Variants in RBL2 observed in about 807,000 individuals in gnomAD.
The protein encoded by RBL2 is retinoblastoma-like protein 2.
Under a neutral mutation model 126.0 loss-of-function variants are expected in RBL2, and 56 were observed. The ratio of observed to expected loss-of-function variants is 0.44; its 90% CI spans 0.36 to 0.56. The LOEUF (loss-of-function observed/expected upper bound fraction) is 0.56. Ranked by LOEUF, RBL2 falls within the 20% of genes least tolerant of loss-of-function variation. RBL2 has a pLI of 0.00. For synonymous variants in RBL2, 454 were observed against 478.5 expected, an observed-to-expected ratio of 0.95 and a Z score of 0.67; for missense variants, 1,229 against 1,398.2, an observed-to-expected ratio of 0.88 and a Z score of 1.93.
intron 3 of RBL2, among the ~76,000 whole-genome samples, chr16:53,443,770 C>T (rs996055170): frequency 1.3e-5 from 2 of 151,998 alleles, no homozygotes; most frequent in Non-Finnish European, 2.9e-5. Context: ...TAAAAGTTTT[C>T]CCAGACTGTG....
intron 4 of RBL2, among the ~76,000 whole-genome samples, chr16:53,447,567 T>G (rs766678042): frequency 1.8e-4 from 27 of 152,186 alleles, no homozygotes; most frequent in Non-Finnish European, 3.4e-4. Flanking sequence ...CCCTTTTTTC[T>G]TGTCTCATTT....
Position 53,491,393 on chromosome 16 carries a change from A to T in RBL2, c.*1093A>T, listed in dbSNP as rs1460659179. 6.6e-6 allele frequency: 1 copy of T among 152,288 alleles called. No individual in the cohort carries two copies. The highest frequency in any genetic ancestry group is 1.5e-5 in the Non-Finnish European group (1 of 68,036). The allele number at this position is 152,288 out of a possible 1,614,324, so 9.4% of individuals were successfully genotyped here. ...TATTTAACAGCTGAATTATCTATAC[A>T]TATCTTTATTAATCACTATTGTTCC... On this transcript the variant is annotated 3_prime_UTR_variant, in exon 22 of 22. Transcript: ENST00000262133.
At position 53,454,737 on chromosome 16, in the gene RBL2, TGAG is replaced by T; in HGVS notation, c.1080_1082del (p.Glu361del). The T allele has an allele frequency of 6.2e-7, 1 of 1,614,082 alleles. No homozygotes were observed. Among genetic ancestry groups the T allele is most frequent in the Non-Finnish European group, 8.5e-7 (1 of 1,179,926 alleles). On this transcript the variant is annotated inframe_deletion, in exon 8 of 22. Coordinates refer to ENST00000262133, the MANE Select transcript of RBL2 (RefSeq NM_005611.4). ...AGCGGATATTTCTTGGAGAGGATGC[TGAG>T]GAGGAAATTGGGACTCTCTCAAGGT...
chr16:53,485,495 A>G (rs2150830808), intron 21 of RBL2, among the ~76,000 whole-genome samples: 1 of 152,290 alleles, frequency 6.6e-6, no homozygotes, highest in East Asian at 1.9e-4. Context: ...AGAAAGTAGA[A>G]AAAGTGTAGG....
At chr16:53,478,488 CTTCA>C (rs1251406846) in intron 17 of RBL2, among the ~76,000 whole-genome samples, 1 of 148,082 alleles carries the variant, frequency 6.8e-6, no homozygotes, top group Non-Finnish European at 1.5e-5. Flanking sequence ...GGCTGTTTTT[CTTCA>C]TTCTTTCTCT....
At chr16:53,445,610 AACTG>A (rs2058055208) in intron 3 of RBL2, among the ~76,000 whole-genome samples, 1 of 152,206 alleles carries the variant, frequency 6.6e-6, no homozygotes, top group South Asian at 2.1e-4. Context: ...TTCTTATTGA[AACTG>A]ACTGCGGGAA....
intron 21 of RBL2, among the ~76,000 whole-genome samples, chr16:53,484,041 T>C (rs2150829147): frequency 6.6e-6 from 1 of 151,996 alleles, no homozygotes; most frequent in Non-Finnish European, 1.5e-5. Context: ...GAAGACCAAA[T>C]ATTTAAAAGA....
chr16:53,444,649 A>C (rs1450246692), intron 3 of RBL2, among the ~76,000 whole-genome samples: 1 of 152,250 alleles, frequency 6.6e-6, no homozygotes, highest in East Asian at 1.9e-4. Flanking sequence ...GGAGTTCAAG[A>C]CTAGCCTGGC....
Position 53,490,210 on chromosome 16 carries a change from T to C in RBL2, c.3330T>C (p.Ser1110=), listed in dbSNP as rs1240452048. 6.8e-6 allele frequency: 11 copies of C among 1,612,346 alleles called. No individual in the cohort carries two copies. Among genetic ancestry groups the C allele is most frequent in the Non-Finnish European group, 9.3e-6 (11 of 1,178,678 alleles). Residue 1110 remains serine, a synonymous_variant, in exon 22 of 22, where the codon AGT becomes AGC. Transcript: ENST00000262133. ...KKRGILLEDG[S]ESPAKRICPE... ...GAGGAATTCTTTTGGAAGATGGAAGTGAATCACCTGCAAAAAGAATTTGCC... is the reference window on the plus strand; with the variant it reads ...GAGGAATTCTTTTGGAAGATGGAAGCGAATCACCTGCAAAAAGAATTTGCC...
intron 21 of RBL2, chr16:53,489,421 C>A (rs1324123149): frequency 1.3e-5 from 2 of 152,204 alleles, no homozygotes; most frequent in Non-Finnish European, 2.9e-5. Flanking sequence ...TTTTAACCAA[C>A]AAACTAGCAG....
chr16:53,463,417 C>G (rs1474852418), intron 11 of RBL2, among the ~76,000 whole-genome samples: 1 of 151,956 alleles, frequency 6.6e-6, no homozygotes, highest in Non-Finnish European at 1.5e-5. Context: ...ACCTCTGCCT[C>G]CCAGATTCAA....
Position 53,465,456 on chromosome 16 carries a change from A to G in RBL2, c.1717A>G (p.Arg573Gly). The G allele has an allele frequency of 6.6e-7, 1 of 1,513,226 alleles. No individual in the cohort carries two copies. The highest frequency in any genetic ancestry group is 8.8e-7 in the Non-Finnish European group (1 of 1,132,116). The allele number at this position is 1,513,226 out of a possible 1,614,324, so 93.7% of individuals were successfully genotyped here. Reference protein sequence around the residue: ...HFYKVIEVFIRAEDGLCREVV... With the variant: ...HFYKVIEVFIGAEDGLCREVV... ...ATTTCAGGTGATAGAAGTATTCATT[A>G]GAGCAGAAGATGGCCTTTGTAGAGA... Residue 573 changes from arginine to glycine, a missense_variant, in exon 13 of 22, where the codon AGA (arginine) becomes GGA (glycine). By Grantham distance (125) the Arg-to-Gly change is moderately radical. Coordinates refer to ENST00000262133, the MANE Select transcript of RBL2 (RefSeq NM_005611.4).
rs538944354 is a variant in RBL2 at position 53,448,477 on chromosome 16, A to AT, written c.637+1377dup. Among the ~76,000 whole-genome samples the AT allele has an allele frequency of 5.5e-4, 82 of 150,112 alleles. No homozygotes were observed. In the East Asian group the frequency reaches 0.014, roughly 25 times the overall value. On this transcript the variant is annotated intron_variant, in intron 4 of 21. Transcript: ENST00000262133. The stretch of plus-strand genomic sequence containing the variant: ...CGGCCTAGCTTAACTCATTTACTTT[A>AT]TTTTTTATTTTTATTTTTATTTTTG...
chr16:53,464,209 A>T lies in RBL2; in HGVS notation c.1561-17A>T. 1 of 1,526,340 alleles carries T rather than the reference A, an allele frequency of 6.6e-7. No homozygotes were observed. The highest frequency in any genetic ancestry group is 8.8e-7 in the Non-Finnish European group (1 of 1,133,620). 94.5% of individuals were successfully genotyped at this position (1,526,340 alleles called of 1,614,324 possible). On this transcript the variant is annotated splice_polypyrimidine_tract_variant and intron_variant, in intron 11 of 21. Coordinates refer to ENST00000262133, the MANE Select transcript of RBL2 (RefSeq NM_005611.4). ...GACTAAGTAAATGTTTCTAATGCTA[A>T]TAACTTTATTTTATAGGGTATTCTG... is the stretch of plus-strand genomic sequence containing the variant.
At chr16:53,463,456 G>A (rs989505078) in intron 11 of RBL2, among the ~76,000 whole-genome samples, 33 of 151,226 alleles carry the variant, frequency 2.2e-4, no homozygotes, top group African/African-American at 6.1e-4. Flanking sequence ...TGCCTGGGCT[G>A]GTCTCAAACT....
In RBL2 at chr16:53,480,571, T is replaced by C. The variant is rs755370581; in HGVS notation, c.2886T>C (p.Ser962=). ...CCTTTGTTCTCCTGGCTGCAGCCAGTAGAGACTCCAGTCCAGTTATGAGGT... is the reference window on the plus strand; with the variant it reads ...CCTTTGTTCTCCTGGCTGCAGCCAGCAGAGACTCCAGTCCAGTTATGAGGT... ...SPTELNKDRT[S]RDSSPVMRSS... is the part of the protein sequence containing the mutation. The change falls in exon 20 of 22, where the codon AGT becomes AGC. Residue 962 remains serine, a synonymous_variant. Transcript: ENST00000262133. 3 of 1,612,658 alleles carry C rather than the reference T, an allele frequency of 1.9e-6. No individual in the cohort carries two copies. In the African/African-American group the frequency reaches 4.0e-5, roughly 22 times the overall value.
rs367841208 is a variant in RBL2 at position 53,448,023 on chromosome 16, T to C, written c.637+917T>C. The stretch of plus-strand genomic sequence containing the variant: ...GTTATATTATTATATAGCTTTCTTC[T>C]GTATACTATGTGGAATGCCTTTGCC... On this transcript the variant is annotated intron_variant, in intron 4 of 21. Coordinates refer to ENST00000262133, the MANE Select transcript of RBL2 (RefSeq NM_005611.4). 2.7e-3 allele frequency among the ~76,000 whole-genome samples: 405 copies of C among 152,368 alleles called. 23 individuals are homozygous for C. The South Asian group carries it at 0.08, about 30-fold the overall frequency.
At chr16:53,455,205 G>C (rs1236243761) in intron 8 of RBL2, among the ~76,000 whole-genome samples, 1 of 152,204 alleles carries the variant, frequency 6.6e-6, no homozygotes, top group Non-Finnish European at 1.5e-5. Flanking sequence ...TTAAGAGACT[G>C]GAGAAAATGA....
intron 2 of RBL2, among the ~76,000 whole-genome samples, chr16:53,442,283 G>A (rs559268801): frequency 3.0e-4 from 46 of 152,196 alleles, no homozygotes; most frequent in African/African-American, 9.4e-4. Flanking sequence ...TCCAACATGG[G>A]TGATAGAACG....
Sources: allele counts gnomAD v4.1 joint callset (sites outside exome capture counted in the v4.1 genomes callset), GRCh38; gene constraint gnomAD v4.1.1; transcripts MANE v1.5; gene names NCBI Gene and HGNC (gene_info 2026-07-23, HGNC 2026-07-21).